The following KDM2B variants were observed in gnomAD, a reference collection of about 807,000 sequenced individuals.
KDM2B encodes the protein lysine-specific demethylase 2B.
A neutral mutation model predicts 150.0 loss-of-function variants in KDM2B; 26 were observed. The observed-to-expected ratio is 0.17, with a 90% confidence interval of 0.13 to 0.24. The LOEUF is 0.24. Ranked by LOEUF, KDM2B falls within the 10% of genes least tolerant of loss-of-function variation. KDM2B has a pLI of 1.00. For synonymous variants in KDM2B, 734 were observed against 729.5 expected (o/e 1.01, Z -0.10); for missense variants, 1,265 against 1,816.9 (o/e 0.70, Z 5.52).
At chr12:121,580,566 G>T in intron 1 of KDM2B, 1 of 1,021,370 alleles carries the variant, frequency 9.8e-7, no homozygotes, top group Non-Finnish European at 1.3e-6. Context: ...CCCGGAGATG[G>T]CGGGGCAGGG....
intron 11 of KDM2B, among the ~76,000 whole-genome samples, chr12:121,506,704 G>A (rs1158895122): frequency 6.6e-5 from 10 of 152,104 alleles, no homozygotes; most frequent in Non-Finnish European, 1.2e-4. Context: ...TTGGGAGGCC[G>A]AGGCGGGCGA....
chr12:121,580,587 G>C (rs894470335), intron 1 of KDM2B, 199 bp downstream of exon 1: 110 of 900,684 alleles, frequency 1.2e-4, no homozygotes, highest in Non-Finnish European at 1.5e-4. Flanking sequence ...AGGGAGGGAA[G>C]GAGGAGGGGG....
At chr12:121,424,891 C>T (rs1555284046), downstream of KDM2B, among the ~76,000 whole-genome samples, 1 of 152,128 alleles carries the variant, frequency 6.6e-6, no homozygotes, top group African/African-American at 2.4e-5. Context: ...ATAAACATTG[C>T]TTTGCTTCTC....
At chr12:121,523,786 G>C (rs112579465) in intron 8 of KDM2B, among the ~76,000 whole-genome samples, 2 of 152,232 alleles carry the variant, frequency 1.3e-5, no homozygotes, top group Non-Finnish European at 2.9e-5. Flanking sequence ...AGGCAACCTC[G>C]TTCTGTGCCT....
chr12:121,425,769 CTT>C (rs111588236), downstream of KDM2B, among the ~76,000 whole-genome samples: 14 of 141,710 alleles, frequency 9.9e-5, no homozygotes, highest in Non-Finnish European at 1.7e-4. Context: ...TTTGTCTAAA[CTT>C]TTTTTTTTTT....
intron 8 of KDM2B, among the ~76,000 whole-genome samples, chr12:121,526,104 C>A (rs1887105370): frequency 6.6e-6 from 1 of 152,212 alleles, no homozygotes; most frequent in Non-Finnish European, 1.5e-5. Context: ...GTAATCCCAG[C>A]ACTTTGGGAG....
chr12:121,513,243 G>A lies in KDM2B; in HGVS notation c.1174+33C>T, dbSNP rs1555304300. ...AAATGATTTCTGCCCCAGCTGTGCAGCCGAGGCCGTGGGCTCCCTCCGGTT... is the reference window on the plus strand; with the variant it reads ...AAATGATTTCTGCCCCAGCTGTGCAACCGAGGCCGTGGGCTCCCTCCGGTT... On this transcript the variant is annotated intron_variant, in intron 10 of 22. Transcript: ENST00000377071. This position sits in a 1 kb window ranked among gnomAD's most constrained non-coding sequence, Gnocchi z 5.0. 1 of 1,607,036 alleles carries A rather than the reference G, an allele frequency of 6.2e-7. No individual in the cohort carries two copies. Among genetic ancestry groups the A allele is most frequent in the East Asian group, 2.2e-5 (1 of 44,656 alleles).
the KDM2B span, among the ~76,000 whole-genome samples, chr12:121,421,457 G>A: frequency 2.0e-5 from 3 of 151,572 alleles, no homozygotes; most frequent in Non-Finnish European, 4.4e-5. Flanking sequence ...GGAGGCTGAG[G>A]GGGGAGGATT....
chr12:121,556,619 G>A (rs2142179688), intron 4 of KDM2B, among the ~76,000 whole-genome samples: 1 of 152,274 alleles, frequency 6.6e-6, no homozygotes, highest in Non-Finnish European at 1.5e-5. Context: ...GGGAGGCCGA[G>A]GCAAGTGGAT....
At chr12:121,422,588 A>C in the KDM2B span, among the ~76,000 whole-genome samples, 4 of 152,318 alleles carry the variant, frequency 2.6e-5, no homozygotes, top group South Asian at 8.3e-4. Context: ...ATTTCTCTTA[A>C]ATCTAGAGAC....
rs137862020 is a variant in KDM2B at position 121,481,282 on chromosome 12, G to A, written c.1734+13297C>T. Among the ~76,000 whole-genome samples the A allele has an allele frequency of 1.2e-3, 189 of 152,208 alleles. 3 individuals are homozygous for A. Among genetic ancestry groups the A allele is most frequent in the East Asian group, 0.011 (56 of 5,188 alleles). On this transcript the variant is annotated intron_variant, in intron 12 of 22. Transcript: ENST00000377071. ...CTTTCCTGATGAGATGTTTCTGTTCGTTGGTGGAAGAGGTCAGTGATTTAG... is the reference window on the plus strand; with the variant it reads ...CTTTCCTGATGAGATGTTTCTGTTCATTGGTGGAAGAGGTCAGTGATTTAG...
chr12:121,450,713 A>C lies in KDM2B; in HGVS notation c.1959+2407T>G, dbSNP rs916444117. Among the ~76,000 whole-genome samples, 8 of 152,292 alleles carry C rather than the reference A, an allele frequency of 5.3e-5. No homozygotes were observed. In the East Asian group the frequency reaches 1.5e-3, roughly 29 times the overall value. On this transcript the variant is annotated intron_variant, in intron 13 of 22. Transcript: ENST00000377071. ...TCTCTACTAAAAATGCAAAAAAATT[A>C]GCCAGGCGTGGTGGCGGGCACTGGT...
At chr12:121,546,068 A>T (rs1889014885) in intron 6 of KDM2B, among the ~76,000 whole-genome samples, 1 of 152,018 alleles carries the variant, frequency 6.6e-6, no homozygotes, top group Non-Finnish European at 1.5e-5. Flanking sequence ...GCCTCATCGC[A>T]GCTGCAAGTT....
intron 12 of KDM2B, among the ~76,000 whole-genome samples, chr12:121,460,461 T>A (rs144989899): frequency 1.3e-5 from 2 of 152,332 alleles, no homozygotes; most frequent in Non-Finnish European, 2.9e-5. Context: ...TGCAGTGGCG[T>A]GATCTCAGCT....
chr12:121,562,443 C>T (rs1890412276), intron 4 of KDM2B, among the ~76,000 whole-genome samples: 1 of 152,060 alleles, frequency 6.6e-6, no homozygotes, highest in South Asian at 2.1e-4. Flanking sequence ...GAGATGGGGT[C>T]ACTGTACTCC....
intron 12 of KDM2B, among the ~76,000 whole-genome samples, chr12:121,456,275 G>A (rs530959341): frequency 7.2e-5 from 11 of 152,344 alleles, no homozygotes; most frequent in South Asian, 4.1e-4. Context: ...CTAGTGCCAC[G>A]ATGCCTCAGT....
intron 1 of KDM2B, 49 bp downstream of exon 1, chr12:121,580,737 A>G (rs782066770): frequency 6.3e-6 from 9 of 1,435,622 alleles, no homozygotes; most frequent in East Asian, 3.2e-5. Context: ...CTCATTGCCC[A>G]GGGCTACCCC....
intron 12 of KDM2B, among the ~76,000 whole-genome samples, chr12:121,462,162 G>A (rs538447329): frequency 1.1e-4 from 16 of 152,288 alleles, no homozygotes; most frequent in Admixed American, 3.3e-4. Flanking sequence ...GTACTGTATC[G>A]CACGACACAG....
intron 6 of KDM2B, chr12:121,534,802 C>CT: frequency 1.9e-6 from 1 of 537,694 alleles, no homozygotes; most frequent in Non-Finnish European, 3.3e-6. Context: ...CACTGGTCGC[C>CT]TACCTACCCC....
Sources: gnomAD v4.1 joint callset for allele counts (sites outside exome capture counted in the v4.1 genomes callset) on GRCh38, gnomAD v4.1.1 for gene constraint, Gnocchi (gnomAD v3.1) non-coding constraint, MANE v1.5 for transcripts, NCBI Gene and HGNC (gene_info 2026-07-23, HGNC 2026-07-21) for gene names.